The following CUBN variants were observed in gnomAD, a reference collection of about 807,000 sequenced individuals.
CUBN encodes cubilin.
A neutral mutation model predicts 405.3 loss-of-function variants in CUBN; 282 were observed. The observed-to-expected ratio is 0.70, with a 90% CI of 0.63 to 0.77. CUBN has a LOEUF of 0.77. Ranked by LOEUF, CUBN falls within the 30% of genes least tolerant of loss-of-function variation. CUBN has a pLI of 0.00. For missense variants in CUBN, 4,514 were observed against 4,475.2 expected (o/e 1.01, Z -0.25); for synonymous variants, 1,684 against 1,617.0 (o/e 1.04, Z -0.99).
intron 14 of CUBN, among the ~76,000 whole-genome samples, chr10:17,095,452 T>C (rs956151164): frequency 5.3e-5 from 8 of 152,014 alleles, no homozygotes; most frequent in African/African-American, 1.9e-4. Flanking sequence ...AGGATCCAAA[T>C]AGACATTTCT....
At chr10:17,003,359 G>A (rs1833940508) in intron 28 of CUBN, among the ~76,000 whole-genome samples, 1 of 152,134 alleles carries the variant, frequency 6.6e-6, no homozygotes, top group Non-Finnish European at 1.5e-5. Flanking sequence ...ACCAGACAGT[G>A]TGATTCACAG....
chr10:16,984,233 C>T lies in CUBN; in HGVS notation c.4397G>A (p.Cys1466Tyr), dbSNP rs149220088. 5.6e-6 allele frequency: 9 copies of T among 1,614,020 alleles called. No individual in the cohort carries two copies. The African/African-American group carries it at 1.2e-4, about 22-fold the overall frequency. The change falls in exon 30 of 67, where the codon TGT becomes TAT. Residue 1466 changes from cysteine (C) to tyrosine (Y), a missense_variant. Cys to Tyr is a radical substitution (Grantham distance 194). This residue lies in a region of CUBN where 1,613 missense variants were observed against 1,542.8 expected (regional missense o/e 1.05). Coordinates refer to ENST00000377833, the MANE Select transcript of CUBN (RefSeq NM_001081.4). ...DFHSPRIAQL[C>Y]TQRSPENPMQ... ...GGGGTTCTCAGGTGATCTCTGGGTA[C>T]ACAGTTGGGCTATTCTGGGAGAGTG... is the stretch of plus-strand genomic sequence containing the variant.
chr10:17,105,379 A>C lies in CUBN; in HGVS notation c.1230+78T>G, dbSNP rs558555892. ...TGACTCATTATCTTGACATTCCTGA[A>C]TCCTATAACGTTACATTTTATAGGC... On this transcript the variant is annotated intron_variant, in intron 11 of 66. Coordinates refer to ENST00000377833, the MANE Select transcript of CUBN (RefSeq NM_001081.4). The C allele has an allele frequency of 2.9e-5, 25 of 869,746 alleles. No homozygotes were observed. In the Admixed American group the frequency reaches 3.4e-4, roughly 12 times the overall value. The allele number at this position is 869,746 out of a possible 1,614,324, so 53.9% of individuals were successfully genotyped here.
intron 51 of CUBN, among the ~76,000 whole-genome samples, chr10:16,903,239 C>G (rs1263481663): frequency 6.6e-6 from 1 of 152,038 alleles, no homozygotes; most frequent in African/African-American, 2.4e-5. Flanking sequence ...AATCCTATGC[C>G]CATTTACATT....
In CUBN at chr10:16,824,350, GC is replaced by G. The variant is rs1043305083; in HGVS notation, c.*624del. 1 of 153,228 alleles carries G rather than the reference GC, an allele frequency of 6.5e-6. No homozygotes were observed. Among genetic ancestry groups the G allele is most frequent in the African/African-American group, 2.4e-5 (1 of 41,360 alleles). The allele number at this position is 153,228 out of a possible 1,614,324, so 9.5% of individuals were successfully genotyped here. A position where few individuals can be genotyped will look rare whatever the true frequency, so the allele number is the denominator to read the frequency against. ...TTATGGGTATGAGCCACTGCCCCTGGCTATTATTATTAACTTTTAAAAATGT... is the reference window on the plus strand; with the variant it reads ...TTATGGGTATGAGCCACTGCCCCTGGTATTATTATTAACTTTTAAAAATGT... On this transcript the variant is annotated 3_prime_UTR_variant, in exon 67 of 67. Coordinates refer to ENST00000377833, the MANE Select transcript of CUBN (RefSeq NM_001081.4).
In CUBN at chr10:16,869,509, G is replaced by T; in HGVS notation, c.9454+127C>A. On this transcript the variant is annotated intron_variant, in intron 59 of 66. Transcript: ENST00000377833. ...AGTTTTAAAACCAAGCCCTTACATG[G>T]CATATTCTTCTAAGCTTCAAGGAAA... The T allele has an allele frequency of 6.5e-6, 5 of 769,034 alleles. No homozygotes were observed. The South Asian group carries it at 6.9e-5, about 11-fold the overall frequency. The allele number at this position is 769,034 out of a possible 1,614,324, so 47.6% of individuals were successfully genotyped here.
intron 31 of CUBN, among the ~76,000 whole-genome samples, chr10:16,974,429 CTT>C (rs201061697): frequency 6.8e-6 from 1 of 146,310 alleles, no homozygotes; most frequent in African/African-American, 2.5e-5. Flanking sequence ...ACAATTAACT[CTT>C]TTTTTTTTTT....
intron 62 of CUBN, among the ~76,000 whole-genome samples, chr10:16,839,080 A>G (rs1235403652): frequency 6.6e-6 from 1 of 152,162 alleles, no homozygotes; most frequent in Non-Finnish European, 1.5e-5. Context: ...CACTAACTAG[A>G]GGTATTTCTC....
At chr10:17,070,959 T>A (rs1040773986) in intron 19 of CUBN, among the ~76,000 whole-genome samples, 1 of 152,156 alleles carries the variant, frequency 6.6e-6, no homozygotes, top group East Asian at 1.9e-4. Context: ...GGCAAAGCAT[T>A]TAGTGTTTCA....
intron 43 of CUBN, among the ~76,000 whole-genome samples, chr10:16,922,640 C>G (rs1351157660): frequency 1.3e-5 from 2 of 152,124 alleles, no homozygotes; most frequent in African/African-American, 4.8e-5. Flanking sequence ...CTTTTTGACT[C>G]TGATCTCTAG....
chr10:16,929,845 T>G (rs1230219371), intron 40 of CUBN, among the ~76,000 whole-genome samples: 1 of 152,224 alleles, frequency 6.6e-6, no homozygotes, highest in Non-Finnish European at 1.5e-5. Flanking sequence ...GTGTATATTT[T>G]ATCACTGGAT....
At chr10:16,942,290 C>A (rs145956836) in intron 36 of CUBN, among the ~76,000 whole-genome samples, 44 of 152,152 alleles carry the variant, frequency 2.9e-4, no homozygotes, top group African/African-American at 1.0e-3. Flanking sequence ...CCAATTAATG[C>A]CCAGAAATTC....
rs1234103104 is a variant in CUBN at position 16,940,173 on chromosome 10, C to T, written c.5407G>A (p.Ala1803Thr). The change falls in exon 37 of 67, where the codon GCC (alanine) becomes ACC (threonine). Residue 1803 changes from alanine (A) to threonine (T), a missense_variant. Transcript: ENST00000377833. ...RDFVEIREGN[A>T]TGHLVGRYCG... is the part of the protein sequence containing the mutation. ...TATCGTCCCACCAAGTGACCCGTGGCATTTCCTTCACGGATCTCCACAAAA... is the reference window on the plus strand; with the variant it reads ...TATCGTCCCACCAAGTGACCCGTGGTATTTCCTTCACGGATCTCCACAAAA... The T allele has an allele frequency of 6.2e-7, 1 of 1,614,122 alleles. No individual in the cohort carries two copies. The highest frequency in any genetic ancestry group is 8.5e-7 in the Non-Finnish European group (1 of 1,179,980).
In CUBN at chr10:17,065,514, C is replaced by T. The variant is rs755523216; in HGVS notation, c.3133G>A (p.Ala1045Thr). Residue 1045 changes from alanine (A) to threonine (T), a missense_variant, in exon 22 of 67, where the codon GCA becomes ACA. Around this residue, in one of 5 missense-constraint regions of CUBN, gnomAD observed 1,448 missense variants for 1,388.0 expected, o/e 1.04. Coordinates refer to ENST00000377833, the MANE Select transcript of CUBN (RefSeq NM_001081.4). ...TGCAATGCTGTTTTGTTACCTGTTG[C>T]TGCACTGATTGCTTCATAGTTTATT... The part of the protein sequence containing the change: ...FLINYEAISA[A>T]TACLQDYTDD... 1 of 1,613,216 alleles carries T rather than the reference C, an allele frequency of 6.2e-7. No individual in the cohort carries two copies. The highest frequency in any genetic ancestry group is 1.1e-5 in the South Asian group (1 of 91,076).
intron 59 of CUBN, among the ~76,000 whole-genome samples, chr10:16,863,529 A>G (rs530844790): frequency 1.3e-5 from 2 of 152,332 alleles, no homozygotes; most frequent in South Asian, 2.1e-4. Flanking sequence ...GACAACTTCA[A>G]TCAGGCCACC....
chr10:16,870,911 G>A (rs1274490391), intron 58 of CUBN, among the ~76,000 whole-genome samples: 1 of 152,124 alleles, frequency 6.6e-6, no homozygotes, highest in African/African-American at 2.4e-5. Flanking sequence ...GAACAAGCAA[G>A]GCTTCTTACA....
intron 65 of CUBN, 146 bp from the exon 66 acceptor site, chr10:16,829,186 C>A: frequency 1.4e-6 from 1 of 697,966 alleles, no homozygotes; most frequent in South Asian, 1.6e-5. Flanking sequence ...TTTTCCTCTT[C>A]TTTGGGCTAC....
At chr10:17,063,180 T>C (rs1001324591) in intron 22 of CUBN, among the ~76,000 whole-genome samples, 7 of 152,184 alleles carry the variant, frequency 4.6e-5, no homozygotes, top group African/African-American at 1.7e-4. Context: ...TCTTGATCTA[T>C]GGGAAACTGT....
intron 43 of CUBN, among the ~76,000 whole-genome samples, chr10:16,922,998 C>T (rs72773211): frequency 0.055 from 8,335 of 152,056 alleles, 330 homozygotes; most frequent in Non-Finnish European, 0.086. Flanking sequence ...CACAGAAGTG[C>T]GCCACCATGT....
Sources: allele counts gnomAD v4.1 joint callset (sites outside exome capture counted in the v4.1 genomes callset), GRCh38; gene constraint gnomAD v4.1.1; regional missense constraint gnomAD v4.1.1; transcripts MANE v1.5; gene names NCBI Gene and HGNC (gene_info 2026-07-23, HGNC 2026-07-21).